The following FLRT1 variants were observed in gnomAD, a reference collection of about 807,000 sequenced individuals.
The protein encoded by FLRT1 is leucine-rich repeat transmembrane protein FLRT1.
FLRT1 carries 14 observed loss-of-function variants against 30.9 expected under a neutral mutation model. The observed-to-expected ratio is 0.45, with a 90% CI of 0.30 to 0.71. The LOEUF (loss-of-function observed/expected upper bound fraction) is 0.71. Ranked by LOEUF, FLRT1 falls within the 30% of genes least tolerant of loss-of-function variation. FLRT1 has a pLI of 0.08. For synonymous variants in FLRT1, 368 were observed against 430.4 expected (o/e 0.85, Z 1.80); for missense variants, 737 against 949.2 (o/e 0.78, Z 2.94).
At chr11:64,097,818 C>T (rs1399163824) in intron 1 of FLRT1, among the ~76,000 whole-genome samples, 1 of 152,184 alleles carries the variant, frequency 6.6e-6, no homozygotes, top group Non-Finnish European at 1.5e-5. Flanking sequence ...TGCTCCTGCT[C>T]AGGCCTGGGG....
chr11:64,114,891 G>T (rs57779243), intron 2 of FLRT1, among the ~76,000 whole-genome samples: 34,643 of 151,894 alleles, frequency 0.23, 6,881 homozygotes, highest in East Asian at 0.53. Flanking sequence ...GCTGGGTCCT[G>T]CAAGAGTAGC....
chr11:64,063,482 A>G (rs550388091), intron 1 of FLRT1, among the ~76,000 whole-genome samples: 2 of 152,260 alleles, frequency 1.3e-5, no homozygotes, highest in African/African-American at 2.4e-5. Context: ...TGAACAGTTC[A>G]TCAAGGGGTG....
rs564377790 is a variant in FLRT1, at chr11:64,118,606, T to C, written c.*314T>C. The C allele has an allele frequency of 2.0e-3, 479 of 234,380 alleles. 5 individuals carry two copies. The highest frequency in any genetic ancestry group is 0.018 in the East Asian group (233 of 12,932). 14.5% of individuals were successfully genotyped at this position (234,380 alleles called of 1,614,324 possible). On this transcript the variant is annotated 3_prime_UTR_variant, in exon 3 of 3. Coordinates refer to ENST00000682287, the MANE Select transcript of FLRT1 (RefSeq NM_013280.5). ...AGGGCTGGGTTGGGTTTTTTTTTTT[T>C]CCCCCCTGAACTGGAAGGATACTAC... is the stretch of plus-strand genomic sequence containing the variant.
chr11:64,109,655 C>T (rs1944825266), intron 2 of FLRT1, among the ~76,000 whole-genome samples: 1 of 152,150 alleles, frequency 6.6e-6, no homozygotes. Flanking sequence ...CTCCACCCTG[C>T]CCCCAGCCTG....
intron 1 of FLRT1, among the ~76,000 whole-genome samples, chr11:64,081,231 AG>A (rs1241243143): frequency 1.3e-5 from 2 of 152,212 alleles, no homozygotes; most frequent in Non-Finnish European, 2.9e-5. Context: ...CATATTGGCC[AG>A]GCTGGTCTTG....
rs780377796 is a variant in FLRT1 at position 64,116,705 on chromosome 11, G to T, written c.438G>T (p.Ser146=). ...DNNVRTIARD[S]LARIPLLEKL... ...ATGTGCGCACCATTGCCAGGGACTC[G>T]CTGGCCCGCATCCCGCTGCTGGAGA... The change falls in exon 3 of 3, where the codon TCG becomes TCT. Residue 146 remains serine, a synonymous_variant. Transcript: ENST00000682287. 1.2e-6 allele frequency: 2 copies of T among 1,613,674 alleles called. No individual in the cohort carries two copies. Among genetic ancestry groups the T allele is most frequent in the Non-Finnish European group, 8.5e-7 (1 of 1,180,022 alleles).
chr11:64,060,698 ATTC>A (rs1943883264), intron 1 of FLRT1: 1 of 152,198 alleles, frequency 6.6e-6, no homozygotes, highest in African/African-American at 2.4e-5. Context: ...TCATTCATTC[ATTC>A]ATTCATTCAT....
At chr11:64,051,771 T>G (rs1429805896) in intron 1 of FLRT1, among the ~76,000 whole-genome samples, 1 of 152,130 alleles carries the variant, frequency 6.6e-6, no homozygotes. Context: ...TCAGGACAAC[T>G]TCTGAGGGTG....
At chr11:64,065,808 A>G (rs1943994392) in intron 1 of FLRT1, among the ~76,000 whole-genome samples, 2 of 151,340 alleles carry the variant, frequency 1.3e-5, no homozygotes, top group South Asian at 4.2e-4. Flanking sequence ...AAAAAAAAAA[A>G]AAGATGAACA....
chr11:64,094,293 A>T (rs977288340), intron 1 of FLRT1, among the ~76,000 whole-genome samples: 8 of 152,180 alleles, frequency 5.3e-5, no homozygotes, highest in Non-Finnish European at 1.0e-4. Flanking sequence ...TTAGCCGGGC[A>T]TGGTGACAGG....
Position 64,118,458 on chromosome 11 carries a change from C to A in FLRT1, c.*166C>A. 1.5e-6 allele frequency: 1 copy of A among 673,882 alleles called. No individual in the cohort carries two copies. The highest frequency in any genetic ancestry group is 2.3e-6 in the Non-Finnish European group (1 of 441,024). The allele number at this position is 673,882 out of a possible 1,614,324, so 41.7% of individuals were successfully genotyped here. On this transcript the variant is annotated 3_prime_UTR_variant, in exon 3 of 3. Coordinates refer to ENST00000682287, the MANE Select transcript of FLRT1 (RefSeq NM_013280.5). ...GGAGGGCTGACGATTTTGTAGAACA[C>A]AACAGTGACAATTTTTTTTAAAAGA... is the stretch of plus-strand genomic sequence containing the variant.
At chr11:64,069,697 G>A (rs1462054022) in intron 1 of FLRT1, among the ~76,000 whole-genome samples, 1 of 152,208 alleles carries the variant, frequency 6.6e-6, no homozygotes, top group Non-Finnish European at 1.5e-5. Flanking sequence ...AGGCAGAGCA[G>A]GCGGTGGTGG....
chr11:64,079,648 C>T (rs1944269873), intron 1 of FLRT1, among the ~76,000 whole-genome samples: 1 of 152,116 alleles, frequency 6.6e-6, no homozygotes, highest in African/African-American at 2.4e-5. Flanking sequence ...GCCCCTCACT[C>T]AAAGCCTGTG....
At chr11:64,058,299 G>A (rs1292918550) in intron 1 of FLRT1, among the ~76,000 whole-genome samples, 3 of 152,268 alleles carry the variant, frequency 2.0e-5, no homozygotes, top group South Asian at 2.1e-4. Flanking sequence ...CGGCTCTGCT[G>A]TGCTCCTTGG....
intron 1 of FLRT1, among the ~76,000 whole-genome samples, chr11:64,099,474 A>G (rs955076407): frequency 7.9e-5 from 12 of 152,204 alleles, no homozygotes; most frequent in Non-Finnish European, 1.6e-4. Flanking sequence ...AGAGAAATGG[A>G]TGAATGGAGA....
chr11:64,088,100 C>CT (rs1377965757), intron 1 of FLRT1, among the ~76,000 whole-genome samples: 4 of 152,188 alleles, frequency 2.6e-5, no homozygotes, highest in Non-Finnish European at 5.9e-5. Flanking sequence ...GCCCCTCTAT[C>CT]TCCACCCCAG....
intron 1 of FLRT1, among the ~76,000 whole-genome samples, chr11:64,084,779 G>A (rs368378054): frequency 3.8e-4 from 58 of 152,238 alleles, no homozygotes; most frequent in Admixed American, 7.2e-4. Flanking sequence ...TCCCTCACCC[G>A]CCAGCCCAGA....
intron 1 of FLRT1, among the ~76,000 whole-genome samples, chr11:64,053,982 G>A (rs1019725036): frequency 2.0e-5 from 3 of 152,164 alleles, no homozygotes; most frequent in South Asian, 2.1e-4. Flanking sequence ...ACCGTGCTGG[G>A]CGCTCTGCAC....
rs146061545 is a variant in FLRT1 at position 64,116,384 on chromosome 11, C to T, written c.117C>T (p.Tyr39=). 232 of 1,613,690 alleles carry T rather than the reference C, an allele frequency of 1.4e-4. 1 individual carries two copies. Among genetic ancestry groups the T allele is most frequent in the Middle Eastern group, 4.9e-4 (3 of 6,084 alleles). ...MDLRDWLFLC[Y]GLIAFLTEVI... ...TGCGGGACTGGCTGTTCCTCTGCTA[C>T]GGGCTCATCGCCTTCCTGACGGAGG... is the stretch of plus-strand genomic sequence containing the variant. The change falls in exon 3 of 3, where the codon TAC becomes TAT. Residue 39 remains tyrosine, a synonymous_variant. Transcript: ENST00000682287.
Sources: gnomAD v4.1 joint callset for allele counts (sites outside exome capture counted in the v4.1 genomes callset) on GRCh38, gnomAD v4.1.1 for gene constraint, MANE v1.5 for transcripts, NCBI Gene and HGNC (gene_info 2026-07-23, HGNC 2026-07-21) for gene names.